The following KREMEN1 variants were observed in gnomAD, a reference collection of about 807,000 sequenced individuals.
KREMEN1 encodes the protein kringle containing transmembrane protein 1.
A neutral mutation model predicts 46.5 loss-of-function variants in KREMEN1; 30 were observed. The observed-to-expected ratio is 0.65, with a 90% CI of 0.48 to 0.88. KREMEN1 has a LOEUF of 0.88. Ranked by LOEUF, KREMEN1 falls within the 40% of genes least tolerant of loss-of-function variation. KREMEN1 has a pLI of 0.00. For missense variants in KREMEN1, 533 were observed against 596.9 expected (o/e 0.89, Z 1.11); for synonymous variants, 214 against 230.6 (o/e 0.93, Z 0.65).
intron 5 of KREMEN1, among the ~76,000 whole-genome samples, chr22:29,133,109 G>A (rs1214654308): frequency 1.3e-5 from 2 of 152,022 alleles, no homozygotes; most frequent in Non-Finnish European, 2.9e-5. Flanking sequence ...TTAGCCAGGC[G>A]AGGTGGCGCA....
chr22:29,145,031 TA>T lies in KREMEN1; in HGVS notation c.*2922del. The T allele has an allele frequency of 1.0e-6, 1 of 985,462 alleles. No individual in the cohort carries two copies. Among genetic ancestry groups the T allele is most frequent in the African/African-American group, 1.7e-5 (1 of 57,336 alleles). 61.0% of individuals were successfully genotyped at this position (985,462 alleles called of 1,614,324 possible). A position where few individuals can be genotyped will look rare whatever the true frequency, so the allele number is the denominator to read the frequency against. ...GGACAGCGTACGGGCAGGAGGGCTG[TA>T]AATCATCCCAGGCTAAGCCTCCGTG... On this transcript the variant is annotated 3_prime_UTR_variant, in exon 9 of 9. Transcript: ENST00000400335.
chr22:29,122,483 C>T (rs1459070406), intron 4 of KREMEN1, among the ~76,000 whole-genome samples: 1 of 152,178 alleles, frequency 6.6e-6, no homozygotes, highest in Non-Finnish European at 1.5e-5. Context: ...AAATGAAAAC[C>T]TGTGTTCACA....
At chr22:29,091,451 A>T (rs917009926) in intron 1 of KREMEN1, among the ~76,000 whole-genome samples, 4 of 152,262 alleles carry the variant, frequency 2.6e-5, no homozygotes, top group East Asian at 3.9e-4. Context: ...TTTAAAAAAA[A>T]TTTTATTTTT....
downstream of KREMEN1, among the ~76,000 whole-genome samples, chr22:29,151,397 A>G (rs1028806149): frequency 6.6e-6 from 1 of 152,214 alleles, no homozygotes; most frequent in Non-Finnish European, 1.5e-5. Context: ...CATTTTCTGT[A>G]AAAGGCTAAA....
intron 1 of KREMEN1, among the ~76,000 whole-genome samples, chr22:29,089,081 TGATACACACAGTATC>T (rs2037771352): frequency 1.3e-5 from 2 of 152,246 alleles, no homozygotes; most frequent in African/African-American, 4.8e-5. Flanking sequence ...ATGTTGGGGC[TGATACACACAGTATC>T]CTATTCTCTC....
exon 10 of KREMEN1, chr22:29,167,328 C>T: frequency 1.8e-6 from 1 of 560,406 alleles, no homozygotes; most frequent in Non-Finnish European, 3.2e-6. Flanking sequence ...CACCACACTC[C>T]AGCCTGAGCA....
chr22:29,088,286 C>T (rs921659833), intron 1 of KREMEN1, among the ~76,000 whole-genome samples: 14 of 145,664 alleles, frequency 9.6e-5, no homozygotes, highest in South Asian at 4.5e-4. Context: ...GAATAACGTG[C>T]GCACGCGTGC....
At chr22:29,083,276 G>T (rs2037684395) in intron 1 of KREMEN1, among the ~76,000 whole-genome samples, 1 of 152,040 alleles carries the variant, frequency 6.6e-6, no homozygotes, top group South Asian at 2.1e-4. Flanking sequence ...TATTGGTATT[G>T]GAAGTAAAAT....
intron 1 of KREMEN1, among the ~76,000 whole-genome samples, chr22:29,093,662 G>C (rs1166887301): frequency 1.3e-5 from 2 of 152,152 alleles, no homozygotes; most frequent in East Asian, 3.9e-4. Context: ...TGTCTGTTTT[G>C]TTCCACCTCT....
At chr22:29,100,729 A>C (rs1041684154) in intron 3 of KREMEN1, among the ~76,000 whole-genome samples, 21 of 152,208 alleles carry the variant, frequency 1.4e-4, no homozygotes, top group Non-Finnish European at 2.5e-4. Flanking sequence ...CAGCTCCTTC[A>C]TGAGGTATTC....
chr22:29,159,317 G>A (rs1001131367), intron 9 of KREMEN1, among the ~76,000 whole-genome samples: 5 of 151,394 alleles, frequency 3.3e-5, no homozygotes, highest in Non-Finnish European at 5.9e-5. Flanking sequence ...CATTCAGGAA[G>A]CAAAAACAAA....
chr22:29,085,755 G>A (rs1248666860), intron 1 of KREMEN1, among the ~76,000 whole-genome samples: 1 of 152,138 alleles, frequency 6.6e-6, no homozygotes, highest in Non-Finnish European at 1.5e-5. Flanking sequence ...CAGGTGGATA[G>A]CTTGAGCCCA....
chr22:29,121,999 C>T (rs9613819), intron 4 of KREMEN1, among the ~76,000 whole-genome samples: 30,922 of 151,916 alleles, frequency 0.2, 3,645 homozygotes, highest in Admixed American at 0.33. Flanking sequence ...ATATTATCTT[C>T]AAAAAATAGA....
chr22:29,150,466 C>A (rs572113288), downstream of KREMEN1, among the ~76,000 whole-genome samples: 1 of 152,244 alleles, frequency 6.6e-6, no homozygotes, highest in South Asian at 2.1e-4. Flanking sequence ...ACCAAACACT[C>A]GGAAACAGCC....
chr22:29,150,374 G>C (rs2038906002), downstream of KREMEN1, among the ~76,000 whole-genome samples: 1 of 152,234 alleles, frequency 6.6e-6, no homozygotes, highest in African/African-American at 2.4e-5. Context: ...TGACTGAGCG[G>C]GGAAAAGGGG....
intron 1 of KREMEN1, among the ~76,000 whole-genome samples, chr22:29,080,031 G>A (rs941337850): frequency 6.6e-6 from 1 of 152,210 alleles, no homozygotes; most frequent in African/African-American, 2.4e-5. Context: ...TAATCAGATT[G>A]TTCCCACATA....
intron 3 of KREMEN1, among the ~76,000 whole-genome samples, chr22:29,112,805 A>T (rs557139010): frequency 9.2e-5 from 14 of 152,334 alleles, no homozygotes; most frequent in African/African-American, 3.4e-4. Context: ...TCCTTTTTCA[A>T]ATTGGCTTTT....
intron 9 of KREMEN1, among the ~76,000 whole-genome samples, chr22:29,157,703 C>T (rs1044034610): frequency 4.6e-5 from 7 of 152,270 alleles, no homozygotes; most frequent in East Asian, 3.9e-4. Context: ...CCTGAAAACA[C>T]GGAGGCTGGT....
chr22:29,123,364 A>C (rs979790258), intron 4 of KREMEN1, among the ~76,000 whole-genome samples: 3 of 152,092 alleles, frequency 2.0e-5, no homozygotes, highest in Non-Finnish European at 4.4e-5. Context: ...AAAAAAGCCA[A>C]ACAACTCAAT....
Sources: allele counts gnomAD v4.1 joint callset (sites outside exome capture counted in the v4.1 genomes callset), GRCh38; gene constraint gnomAD v4.1.1; transcripts MANE v1.5; gene names NCBI Gene and HGNC (gene_info 2026-07-23, HGNC 2026-07-21).